ABCA12: variants seen among roughly 807,000 people sequenced by gnomAD.
ABCA12 encodes glucosylceramide transporter ABCA12.
In ABCA12, 156 loss-of-function variants were observed where a neutral mutation model predicts 293.5. That is an observed-to-expected ratio of 0.53 (90% CI 0.47 to 0.61). The LOEUF (loss-of-function observed/expected upper bound fraction) is 0.61, where lower values mean the gene tolerates loss of function less well. ABCA12 is among the 20% of genes least tolerant of loss of function. The probability of loss-of-function intolerance (pLI) is 0.00; values close to 1 mark genes in which losing one functional copy is unlikely to be tolerated. For synonymous variants in ABCA12, 1,063 were observed against 1,108.0 expected, an observed-to-expected ratio of 0.96 and a Z score of 0.81; for missense variants, 2,797 against 3,090.2, an observed-to-expected ratio of 0.91 and a Z score of 2.25.
At chr2:215,091,917 C>T (rs1280465241) in intron 2 of ABCA12, among the ~76,000 whole-genome samples, 1 of 152,210 alleles carries the variant, frequency 6.6e-6, no homozygotes, top group African/African-American at 2.4e-5. Flanking sequence ...CCCAGGATTC[C>T]TCCTAAGCTG....
intron 8 of ABCA12, among the ~76,000 whole-genome samples, chr2:215,035,037 G>T (rs927757864): frequency 6.6e-6 from 1 of 152,112 alleles, no homozygotes; most frequent in Admixed American, 6.6e-5. Context: ...CTGGGTTACG[G>T]GGCAGGTATC....
intron 23 of ABCA12, 33 bp downstream of exon 23, chr2:214,997,662 C>T: frequency 6.9e-7 from 1 of 1,452,224 alleles, no homozygotes; most frequent in Non-Finnish European, 9.7e-7. Context: ...ATGAACAGGA[C>T]TTATTCATAA....
chr2:215,090,091 G>T (rs1702111891), intron 2 of ABCA12, among the ~76,000 whole-genome samples: 1 of 152,098 alleles, frequency 6.6e-6, no homozygotes, highest in Non-Finnish European at 1.5e-5. Context: ...CTCTCCCACT[G>T]AGCTTCCTTG....
chr2:214,972,301 T>C (rs955371616), intron 36 of ABCA12, among the ~76,000 whole-genome samples: 26 of 152,234 alleles, frequency 1.7e-4, no homozygotes, highest in African/African-American at 6.3e-4. Context: ...GCATCAATTA[T>C]GCAAAGTGAC....
chr2:215,066,663 A>G (rs1701645291), intron 2 of ABCA12, among the ~76,000 whole-genome samples: 2 of 152,124 alleles, frequency 1.3e-5, no homozygotes, highest in Admixed American at 1.3e-4. Context: ...TGTTGAAAGT[A>G]TAGACAGTCT....
intron 2 of ABCA12, among the ~76,000 whole-genome samples, chr2:215,110,869 G>A (rs1362336620): frequency 6.6e-6 from 1 of 152,200 alleles, no homozygotes; most frequent in Non-Finnish European, 1.5e-5. Context: ...TGTGAAGCAA[G>A]AAGTGTCTGG....
chr2:215,051,878 A>AATT (rs1365925573), intron 5 of ABCA12, among the ~76,000 whole-genome samples: 1 of 152,078 alleles, frequency 6.6e-6, no homozygotes, highest in Non-Finnish European at 1.5e-5. Context: ...GTTCTGCCTA[A>AATT]AGGCATTCAC....
At chr2:214,965,619 C>T (rs1187409160) in intron 39 of ABCA12, among the ~76,000 whole-genome samples, 3 of 151,960 alleles carry the variant, frequency 2.0e-5, no homozygotes, top group African/African-American at 7.2e-5. Flanking sequence ...AGCCAATAAA[C>T]ACATGAAAAA....
intron 9 of ABCA12, 144 bp from the exon 10 acceptor site, chr2:215,027,082 C>A (rs1289076619): frequency 1.6e-6 from 1 of 622,116 alleles, no homozygotes; most frequent in Non-Finnish European, 2.9e-6. Flanking sequence ...CGGTGGCTCA[C>A]GCCTGTAATC....
intron 9 of ABCA12, among the ~76,000 whole-genome samples, chr2:215,027,488 A>G (rs902140164): frequency 1.3e-5 from 2 of 152,220 alleles, no homozygotes; most frequent in Non-Finnish European, 1.5e-5. Flanking sequence ...TAATTGTTTT[A>G]ATATGCCATC....
intron 29 of ABCA12, 66 bp from the exon 30 acceptor site, chr2:214,982,449 A>T: frequency 7.3e-7 from 1 of 1,361,542 alleles, no homozygotes; most frequent in Non-Finnish European, 1.0e-6. Context: ...GAAACATACA[A>T]TAACCCTAAT....
At chr2:215,079,940 T>C (rs1701905706) in intron 2 of ABCA12, among the ~76,000 whole-genome samples, 1 of 152,210 alleles carries the variant, frequency 6.6e-6, no homozygotes, top group Non-Finnish European at 1.5e-5. Flanking sequence ...AATAGACTAA[T>C]GGCTACCATT....
intron 2 of ABCA12, among the ~76,000 whole-genome samples, chr2:215,089,506 C>G (rs920002218): frequency 2.6e-5 from 4 of 152,178 alleles, no homozygotes; most frequent in Admixed American, 1.3e-4. Flanking sequence ...TGTGTGATTG[C>G]TATTTGGTTA....
intron 26 of ABCA12, 49 bp from the exon 27 acceptor site, chr2:214,987,842 A>G (rs1408637067): frequency 1.9e-6 from 3 of 1,594,114 alleles, no homozygotes; most frequent in South Asian, 2.2e-5. Flanking sequence ...GACTGTTAAC[A>G]TTTATCATCA....
chr2:215,108,523 CAAGTTACTT>C (rs1398120515), intron 2 of ABCA12, among the ~76,000 whole-genome samples: 2 of 152,120 alleles, frequency 1.3e-5, no homozygotes, highest in African/African-American at 4.8e-5. Context: ...CCATCTTGGT[CAAGTTACTT>C]AAGTTCTCTG....
chr2:214,981,621 A>G (rs1248436713), intron 30 of ABCA12, among the ~76,000 whole-genome samples: 2 of 152,176 alleles, frequency 1.3e-5, no homozygotes, highest in African/African-American at 2.4e-5. Flanking sequence ...AAAATCTTCA[A>G]AATCTTCAGA....
intron 45 of ABCA12, among the ~76,000 whole-genome samples, chr2:214,950,253 CTGTGGATTTTGATAT>C (rs1698712601): frequency 6.6e-6 from 1 of 151,824 alleles, no homozygotes; most frequent in Non-Finnish European, 1.5e-5. Flanking sequence ...CTGTGGATTT[CTGTGGATTTTGATAT>C]CCTTGGGGGT....
Position 214,980,497 on chromosome 2 carries a change from G to A in ABCA12, c.4726C>T (p.Leu1576Phe). ...EAFGDGYHLT[L>F]TKKKSPNLNA... ...CCCATTCCTACCTTCTTCTTGGTAA[G>A]CGTGAGGTGATACCCATCGCCAAAG... Residue 1576 changes from leucine to phenylalanine, a missense_variant, in exon 31 of 53, where the codon CTT (leucine) becomes TTT (phenylalanine). Leu to Phe is a conservative substitution (Grantham distance 22). Transcript: ENST00000272895. The A allele has an allele frequency of 6.2e-7, 1 of 1,613,672 alleles. No homozygotes were observed. The highest frequency in any genetic ancestry group is 8.5e-7 in the Non-Finnish European group (1 of 1,179,964).
rs952497374 is a variant in ABCA12 at position 215,081,614 on chromosome 2, C to T, written c.164-17395G>A. On this transcript the variant is annotated intron_variant, in intron 2 of 52. Transcript: ENST00000272895. ...CTAAATAAAGGTGACCAAATTATTACACTGCTCCTTGGATTACTTTTAAAC... is the reference window on the plus strand; with the variant it reads ...CTAAATAAAGGTGACCAAATTATTATACTGCTCCTTGGATTACTTTTAAAC... 6.9e-4 allele frequency among the ~76,000 whole-genome samples: 105 copies of T among 152,028 alleles called. 1 individual carries two copies. Among genetic ancestry groups the T allele is most frequent in the African/African-American group, 2.5e-3 (103 of 41,464 alleles).
Sources: allele counts gnomAD v4.1 joint callset (sites outside exome capture counted in the v4.1 genomes callset), GRCh38; gene constraint gnomAD v4.1.1; transcripts MANE v1.5; gene names NCBI Gene and HGNC (gene_info 2026-07-23, HGNC 2026-07-21).